Variants in TRABD2B observed in about 807,000 individuals in gnomAD.
The protein encoded by TRABD2B is TraB domain containing 2B, also known as metalloprotease TIKI2.
Under a neutral mutation model 40.1 loss-of-function variants are expected in TRABD2B, and 14 were observed. The ratio of observed to expected loss-of-function variants is 0.35; its 90% CI spans 0.23 to 0.55. The LOEUF is 0.55. TRABD2B is among the 20% of genes least tolerant of loss of function. TRABD2B has a pLI of 0.90. For synonymous variants in TRABD2B, 263 were observed against 277.0 expected (o/e 0.95, Z 0.50); for missense variants, 541 against 648.6 (o/e 0.83, Z 1.80).
intron 2 of TRABD2B, among the ~76,000 whole-genome samples, chr1:47,860,315 C>A (rs1308557808): frequency 6.6e-6 from 1 of 152,160 alleles, no homozygotes; most frequent in Admixed American, 6.5e-5. Flanking sequence ...TCCAAGCTAC[C>A]ACAGCTGCAC....
At chr1:47,793,892 G>A (rs1055463124) in intron 4 of TRABD2B, among the ~76,000 whole-genome samples, 1 of 152,144 alleles carries the variant, frequency 6.6e-6, no homozygotes, top group Non-Finnish European at 1.5e-5. Flanking sequence ...TTTGCATGAG[G>A]AGGCCAGGTC....
At chr1:47,977,302 A>G (rs1292315425) in intron 2 of TRABD2B, among the ~76,000 whole-genome samples, 1 of 152,106 alleles carries the variant, frequency 6.6e-6, no homozygotes, top group Non-Finnish European at 1.5e-5. Flanking sequence ...TTGAACTCCT[A>G]GCCTCAAGTG....
intron 2 of TRABD2B, among the ~76,000 whole-genome samples, chr1:47,950,280 G>C (rs577214033): frequency 6.6e-6 from 1 of 151,684 alleles, no homozygotes; most frequent in African/African-American, 2.4e-5. Flanking sequence ...GCAAGACTCC[G>C]TCTCAAAAGA....
At chr1:47,767,931 C>T (rs902883376) in intron 6 of TRABD2B, among the ~76,000 whole-genome samples, 16 of 152,196 alleles carry the variant, frequency 1.1e-4, no homozygotes, top group South Asian at 4.1e-4. Context: ...CCTGGCCAGA[C>T]GCCTCTCACA....
Position 47,813,661 on chromosome 1 carries a change from T to C in TRABD2B, c.667-12042A>G, listed in dbSNP as rs2124364382. 6.6e-6 allele frequency among the ~76,000 whole-genome samples: 1 copy of C among 152,280 alleles called. No individual in the cohort carries two copies. The highest frequency in any genetic ancestry group is 1.9e-4 in the East Asian group (1 of 5,172). On this transcript the variant is annotated intron_variant, in intron 2 of 6. Transcript: ENST00000606738. The surrounding 1 kb of genome is among the most constrained non-coding windows in gnomAD (Gnocchi z 4.3). ...TGAGACTAGCATTCTAAAAACCTTGTAAAGCAATATTGCCCTTCCTTAGGA... is the reference window on the plus strand; with the variant it reads ...TGAGACTAGCATTCTAAAAACCTTGCAAAGCAATATTGCCCTTCCTTAGGA...
At chr1:47,811,266 C>T (rs542259828) in intron 2 of TRABD2B, among the ~76,000 whole-genome samples, 4 of 152,040 alleles carry the variant, frequency 2.6e-5, no homozygotes, top group East Asian at 1.9e-4. Context: ...CCCTCACCAC[C>T]CCCCCATCGC....
intron 2 of TRABD2B, among the ~76,000 whole-genome samples, chr1:47,863,223 T>A (rs1032464915): frequency 6.6e-5 from 10 of 150,814 alleles, no homozygotes; most frequent in Admixed American, 2.0e-4. Context: ...TGGACTTTAT[T>A]AAAATAAAAA....
chr1:47,834,868 C>G (rs1645298052), intron 2 of TRABD2B, among the ~76,000 whole-genome samples: 1 of 152,144 alleles, frequency 6.6e-6, no homozygotes, highest in East Asian at 1.9e-4. Context: ...AAAAATATTA[C>G]TAGAAATACA....
At chr1:47,881,054 G>A (rs1018217228) in intron 2 of TRABD2B, among the ~76,000 whole-genome samples, 2 of 152,186 alleles carry the variant, frequency 1.3e-5, no homozygotes, top group Non-Finnish European at 2.9e-5. Flanking sequence ...AAAAAAGTCT[G>A]TGTGTTTCAG....
chr1:47,979,580 G>C (rs1645810620), intron 2 of TRABD2B, among the ~76,000 whole-genome samples: 1 of 152,112 alleles, frequency 6.6e-6, no homozygotes, highest in Admixed American at 6.5e-5. Flanking sequence ...ACCGACCAAG[G>C]ATCCTCCCAT....
chr1:47,993,994 C>T (rs1213610161), intron 2 of TRABD2B, 40 bp downstream of exon 2: 8 of 1,505,368 alleles, frequency 5.3e-6, no homozygotes, highest in Non-Finnish European at 2.7e-6. Context: ...ACCCAGGTAC[C>T]CAGGGCTGTC....
intron 2 of TRABD2B, among the ~76,000 whole-genome samples, chr1:47,942,903 C>G (rs1645206666): frequency 6.6e-6 from 1 of 152,120 alleles, no homozygotes. Context: ...CTTGCTATAC[C>G]CAAGCATTTA....
chr1:47,836,134 A>G (rs1390295048), intron 2 of TRABD2B, among the ~76,000 whole-genome samples: 2 of 152,196 alleles, frequency 1.3e-5, no homozygotes, highest in Non-Finnish European at 2.9e-5. Flanking sequence ...TACTAGGAAA[A>G]CTAACTCAAA....
At position 47,997,248 on chromosome 1, in the gene TRABD2B, G is replaced by A. The variant is rs1360230989; in HGVS notation, c.-459C>T. The stretch of plus-strand genomic sequence containing the variant: ...AGGCGCGCAGTGGGACAAGTGCGGC[G>A]GAAGGCGCGGCAGGGGTGGGGGGCG... On this transcript the variant is annotated 5_prime_UTR_variant, in exon 1 of 7. Coordinates refer to ENST00000606738, the MANE Select transcript of TRABD2B (RefSeq NM_001194986.2). 7 of 981,824 alleles carry A rather than the reference G, an allele frequency of 7.1e-6. No individual in the cohort carries two copies. The highest frequency in any genetic ancestry group is 7.2e-6 in the Non-Finnish European group (6 of 828,046). The allele number at this position is 981,824 out of a possible 1,614,324, so 60.8% of individuals were successfully genotyped here.
intron 2 of TRABD2B, among the ~76,000 whole-genome samples, chr1:47,820,456 G>A (rs1410359657): frequency 1.3e-5 from 2 of 152,226 alleles, no homozygotes; most frequent in African/African-American, 4.8e-5. Context: ...CACATGTTTA[G>A]ACAGACCGTG....
intron 2 of TRABD2B, among the ~76,000 whole-genome samples, chr1:47,829,133 T>C (rs1469090532): frequency 1.3e-5 from 2 of 152,144 alleles, no homozygotes; most frequent in African/African-American, 4.8e-5. Context: ...TCTCTTATGT[T>C]GGGACATCAG....
At chr1:47,891,446 G>A (rs1054504769) in intron 2 of TRABD2B, among the ~76,000 whole-genome samples, 1 of 152,110 alleles carries the variant, frequency 6.6e-6, no homozygotes, top group Non-Finnish European at 1.5e-5. Context: ...GTATATATGA[G>A]CCACGGGACT....
At chr1:47,829,805 C>A (rs112644172) in intron 2 of TRABD2B, among the ~76,000 whole-genome samples, 1 of 152,324 alleles carries the variant, frequency 6.6e-6, no homozygotes, top group East Asian at 1.9e-4. Flanking sequence ...AAGTCCTTTA[C>A]TGCACCCCAT....
intron 2 of TRABD2B, among the ~76,000 whole-genome samples, chr1:47,941,732 T>C (rs1645191792): frequency 6.6e-6 from 1 of 152,256 alleles, no homozygotes; most frequent in Non-Finnish European, 1.5e-5. Context: ...AGCTGATGGC[T>C]TGGAAGCTCA....
Sources: gnomAD v4.1 joint callset for allele counts (sites outside exome capture counted in the v4.1 genomes callset) on GRCh38, gnomAD v4.1.1 for gene constraint, Gnocchi (gnomAD v3.1) non-coding constraint, MANE v1.5 for transcripts, NCBI Gene and HGNC (gene_info 2026-07-23, HGNC 2026-07-21) for gene names.